The following KDM2A variants were observed in gnomAD, a reference collection of about 807,000 sequenced individuals.
KDM2A encodes lysine-specific demethylase 2A.
A neutral mutation model predicts 137.3 loss-of-function variants in KDM2A; 3 were observed. That is an observed-to-expected ratio of 0.02 (90% CI 0.01 to 0.06). KDM2A has a LOEUF of 0.06. Among genes scored for constraint, KDM2A ranks in the 10% least tolerant of loss-of-function variants. The probability of loss-of-function intolerance (pLI) is 1.00; values close to 1 mark genes in which losing one functional copy is unlikely to be tolerated. For missense variants in KDM2A, 738 were observed against 1,510.6 expected (o/e 0.49, Z 8.48); for synonymous variants, 512 against 541.5 (o/e 0.95, Z 0.76).
chr11:67,229,909 G>C (rs1008657687), intron 11 of KDM2A, among the ~76,000 whole-genome samples: 2 of 151,118 alleles, frequency 1.3e-5, no homozygotes, highest in African/African-American at 4.9e-5. Context: ...GGGTGTGGTG[G>C]CTCACACCTG....
chr11:67,123,668 A>G (rs1292148963), intron 2 of KDM2A, among the ~76,000 whole-genome samples: 5 of 151,920 alleles, frequency 3.3e-5, no homozygotes, highest in Non-Finnish European at 7.4e-5. Flanking sequence ...TCCAGCAAGC[A>G]AAACTTTTAA....
chr11:67,139,018 A>G lies in KDM2A; in HGVS notation c.42+17660A>G, dbSNP rs979185891. On this transcript the variant is annotated intron_variant, in intron 2 of 20. Transcript: ENST00000529006. ...TTGCTGACATTTTTCTAAACCACTAATGGTATCTTAGGCACAGTATCCTTG... is the reference window on the plus strand; with the variant it reads ...TTGCTGACATTTTTCTAAACCACTAGTGGTATCTTAGGCACAGTATCCTTG... Among the ~76,000 whole-genome samples, 4 of 152,128 alleles carry G rather than the reference A, an allele frequency of 2.6e-5. No individual in the cohort carries two copies. The South Asian group carries it at 6.2e-4, about 24-fold the overall frequency.
intron 12 of KDM2A, among the ~76,000 whole-genome samples, chr11:67,242,180 A>C (rs1038813623): frequency 6.6e-6 from 1 of 152,184 alleles, no homozygotes; most frequent in African/African-American, 2.4e-5. Context: ...AGTCATTTAA[A>C]TTTTATTGGT....
At chr11:67,143,762 A>C (rs1856177877) in intron 2 of KDM2A, among the ~76,000 whole-genome samples, 1 of 150,374 alleles carries the variant, frequency 6.7e-6, no homozygotes, top group Non-Finnish European at 1.5e-5. Context: ...CCTCCTGAGT[A>C]GCTGGGATTA....
In KDM2A at chr11:67,255,066, G is replaced by A. The variant is rs779524958; in HGVS notation, c.*11G>A. 1.9e-6 allele frequency: 3 copies of A among 1,603,034 alleles called. No individual in the cohort carries two copies. Among genetic ancestry groups the A allele is most frequent in the East Asian group, 2.3e-5 (1 of 44,430 alleles). On this transcript the variant is annotated 3_prime_UTR_variant, in exon 21 of 21. Coordinates refer to ENST00000529006, the MANE Select transcript of KDM2A (RefSeq NM_012308.3). ...CAGAAGATCAGCTAAGACACACCCA[G>A]CCCAGATTCAACAGGAAACCGATCT...
At chr11:67,193,337 A>G (rs1248473913) in intron 5 of KDM2A, among the ~76,000 whole-genome samples, 1 of 152,218 alleles carries the variant, frequency 6.6e-6, no homozygotes. Context: ...AGAAACTTGT[A>G]GTTTTTAATC....
rs1281287512 is a variant in KDM2A at position 67,204,783 on chromosome 11, A to AC, written c.308-2724dup. ...TGGGATTACAGGCGTGAGCCACCAAACCCAGCTGATACAGTGTGTTTTCTT... is the reference window on the plus strand; with the variant it reads ...TGGGATTACAGGCGTGAGCCACCAAACCCCAGCTGATACAGTGTGTTTTCTT... On this transcript the variant is annotated intron_variant, in intron 5 of 20. Coordinates refer to ENST00000529006, the MANE Select transcript of KDM2A (RefSeq NM_012308.3). 4.0e-5 allele frequency among the ~76,000 whole-genome samples: 6 copies of AC among 151,682 alleles called. No individual in the cohort carries two copies. The East Asian group carries it at 1.2e-3, about 29-fold the overall frequency.
chr11:67,246,712 T>G (rs1402236473), intron 15 of KDM2A, among the ~76,000 whole-genome samples: 1 of 152,184 alleles, frequency 6.6e-6, no homozygotes, highest in East Asian at 1.9e-4. Context: ...TTCCTTGGCC[T>G]TCTTAGAAAG....
intron 5 of KDM2A, among the ~76,000 whole-genome samples, chr11:67,186,391 A>G (rs535481821): frequency 6.6e-6 from 1 of 152,234 alleles, no homozygotes; most frequent in Non-Finnish European, 1.5e-5. Context: ...CTGTCAACCA[A>G]GCATCCTATA....
At chr11:67,175,036 T>C (rs1856948918) in intron 2 of KDM2A, among the ~76,000 whole-genome samples, 1 of 152,186 alleles carries the variant, frequency 6.6e-6, no homozygotes, top group South Asian at 2.1e-4. Context: ...TTTGTATTAT[T>C]TGGTAATGTT....
chr11:67,207,451 T>A lies in KDM2A; in HGVS notation c.308-59T>A. 9 of 1,273,016 alleles carry A rather than the reference T, an allele frequency of 7.1e-6. No homozygotes were observed. In the South Asian group the frequency reaches 1.9e-4, roughly 27 times the overall value. The allele number at this position is 1,273,016 out of a possible 1,614,324, so 78.9% of individuals were successfully genotyped here. Reference sequence around the variant, plus strand: ...TCTTCTACTTTTTAAAAAATATTCTTACTATATTTAAGGATATTAGTGGCT... The same window carrying A: ...TCTTCTACTTTTTAAAAAATATTCTAACTATATTTAAGGATATTAGTGGCT... On this transcript the variant is annotated intron_variant, in intron 5 of 20. Transcript: ENST00000529006.
intron 12 of KDM2A, chr11:67,240,164 C>G (rs1858985560): frequency 2.0e-6 from 3 of 1,484,636 alleles, no homozygotes; most frequent in African/African-American, 2.8e-5. Flanking sequence ...GCACGCTGCT[C>G]CCTCTGGGTA....
intron 12 of KDM2A, among the ~76,000 whole-genome samples, chr11:67,239,682 G>A (rs1858967674): frequency 6.6e-6 from 1 of 152,246 alleles, no homozygotes; most frequent in Admixed American, 6.5e-5. Flanking sequence ...AGCTCTGGCA[G>A]TAACAGTGGT....
At chr11:67,161,811 A>G (rs192644733) in intron 2 of KDM2A, among the ~76,000 whole-genome samples, 2 of 152,336 alleles carry the variant, frequency 1.3e-5, no homozygotes, top group African/African-American at 4.8e-5. Context: ...TTCCAGAAGT[A>G]TAGTAGAGGT....
chr11:67,157,325 A>C (rs965706509), intron 2 of KDM2A, among the ~76,000 whole-genome samples: 11 of 151,572 alleles, frequency 7.3e-5, no homozygotes, highest in African/African-American at 2.7e-4. Context: ...CTCAAAAAAA[A>C]AAAAAACAAA....
intron 2 of KDM2A, among the ~76,000 whole-genome samples, chr11:67,129,602 T>C (rs1265224631): frequency 6.6e-6 from 1 of 151,548 alleles, no homozygotes; most frequent in Non-Finnish European, 1.5e-5. Context: ...GGCGTGATGG[T>C]GGGCGCCTGT....
intron 2 of KDM2A, among the ~76,000 whole-genome samples, chr11:67,166,299 C>G (rs1856742740): frequency 6.6e-6 from 1 of 151,462 alleles, no homozygotes; most frequent in Non-Finnish European, 1.5e-5. Flanking sequence ...ATTCTCGTGC[C>G]TCAGCCTCCC....
chr11:67,179,990 C>A, intron 2 of KDM2A, 89 bp from the exon 3 acceptor site: 3 of 1,302,346 alleles, frequency 2.3e-6, no homozygotes, highest in East Asian at 2.4e-5. Flanking sequence ...TTGAAAGTAG[C>A]ACTTTGCACA....
At chr11:67,219,762 G>C (rs1013172102) in intron 10 of KDM2A, 1 of 154,166 alleles carries the variant, frequency 6.5e-6, no homozygotes, top group Non-Finnish European at 1.4e-5. Flanking sequence ...GCGTTGCCCA[G>C]GCTGGTCTAG....
Sources: allele counts gnomAD v4.1 joint callset (sites outside exome capture counted in the v4.1 genomes callset), GRCh38; gene constraint gnomAD v4.1.1; transcripts MANE v1.5; gene names NCBI Gene and HGNC (gene_info 2026-07-23, HGNC 2026-07-21).